KIN: variants seen among roughly 807,000 people sequenced by gnomAD.
KIN encodes the protein DNA/RNA-binding protein KIN17.
Under a neutral mutation model 63.0 loss-of-function variants are expected in KIN, and 47 were observed. The observed-to-expected ratio is 0.75, with a 90% confidence interval of 0.59 to 0.95. The LOEUF (loss-of-function observed/expected upper bound fraction) is 0.95, where lower values mean the gene tolerates loss of function less well. Ranked by LOEUF, KIN falls within the 40% of genes least tolerant of loss-of-function variation. KIN has a pLI of 0.00. For missense variants in KIN, 408 were observed against 460.9 expected (o/e 0.89, Z 1.05); for synonymous variants, 160 against 157.7 (o/e 1.01, Z -0.11).
At position 7,762,585 on chromosome 10, in the gene KIN, T is replaced by C. The variant is rs1166353437; in HGVS notation, c.919-29A>G. On this transcript the variant is annotated intron_variant, in intron 10 of 12. Transcript: ENST00000379562. The stretch of plus-strand genomic sequence containing the variant: ...TCATGTAAAATGAACACTTTTATAA[T>C]AGAAGAAATATGTGCACACTCATTT... 22 of 1,270,312 alleles carry C rather than the reference T, an allele frequency of 1.7e-5. 1 individual carries two copies. Among genetic ancestry groups the C allele is most frequent in the Non-Finnish European group, 2.4e-5 (21 of 878,532 alleles). The allele number at this position is 1,270,312 out of a possible 1,614,324, so 78.7% of individuals were successfully genotyped here.
intron 2 of KIN, among the ~76,000 whole-genome samples, chr10:7,781,211 T>C (rs1274568231): frequency 6.6e-6 from 1 of 152,102 alleles, no homozygotes; most frequent in Non-Finnish European, 1.5e-5. Flanking sequence ...AGTAGAACCC[T>C]AGAGGTGAAC....
intron 5 of KIN, among the ~76,000 whole-genome samples, chr10:7,777,121 T>C (rs988090304): frequency 3.6e-4 from 55 of 151,984 alleles, no homozygotes; most frequent in African/African-American, 1.2e-3. Context: ...TGAGAATTAT[T>C]CTAAATACCA....
chr10:7,768,380 T>A (rs1016907331), intron 8 of KIN, among the ~76,000 whole-genome samples: 3 of 151,836 alleles, frequency 2.0e-5, no homozygotes, highest in Non-Finnish European at 4.4e-5. Context: ...ACTAGCTGGG[T>A]ATGGTGGCAC....
intron 7 of KIN, among the ~76,000 whole-genome samples, chr10:7,772,234 A>G (rs1484984211): frequency 6.6e-6 from 1 of 152,208 alleles, no homozygotes; most frequent in Non-Finnish European, 1.5e-5. Context: ...ACACGGTAAG[A>G]GCTGAAGTTT....
chr10:7,756,005 A>C lies in KIN; in HGVS notation c.*75T>G. The C allele has an allele frequency of 1.2e-6, 1 of 807,386 alleles. No individual in the cohort carries two copies. The highest frequency in any genetic ancestry group is 2.1e-6 in the Non-Finnish European group (1 of 479,830). The allele number at this position is 807,386 out of a possible 1,614,324, so 50.0% of individuals were successfully genotyped here. A position where few individuals can be genotyped will look rare whatever the true frequency, so the allele number is the denominator to read the frequency against. ...ACAAAAGAATATACCCTAACACAGT[A>C]GAGTCTCATAATGCCTTGGCGAACA... On this transcript the variant is annotated 3_prime_UTR_variant, in exon 13 of 13. Coordinates refer to ENST00000379562, the MANE Select transcript of KIN (RefSeq NM_012311.4).
At chr10:7,767,403 G>T (rs1835569432) in intron 8 of KIN, among the ~76,000 whole-genome samples, 1 of 152,190 alleles carries the variant, frequency 6.6e-6, no homozygotes, top group Non-Finnish European at 1.5e-5. Flanking sequence ...TGAAAGCTCC[G>T]TGACTAACAA....
At position 7,786,311 on chromosome 10, in the gene KIN, T is replaced by C. The variant is rs554248073; in HGVS notation, c.114+1509A>G. On this transcript the variant is annotated intron_variant, in intron 1 of 12. Coordinates refer to ENST00000379562, the MANE Select transcript of KIN (RefSeq NM_012311.4). Reference sequence around the variant, plus strand: ...GTTGATGACATATACTATGGTTATATAGAAAAGTATCCTGAAATTTTAGAG... The same window carrying C: ...GTTGATGACATATACTATGGTTATACAGAAAAGTATCCTGAAATTTTAGAG... Among the ~76,000 whole-genome samples, 9 of 152,368 alleles carry C rather than the reference T, an allele frequency of 5.9e-5. No individual in the cohort carries two copies. The East Asian group carries it at 1.5e-3, about 26-fold the overall frequency.
intron 7 of KIN, 75 bp downstream of exon 7, chr10:7,774,756 A>G: frequency 3.5e-6 from 4 of 1,158,260 alleles, no homozygotes; most frequent in East Asian, 2.4e-5. Flanking sequence ...ATGATTCACA[A>G]TACTTTAAAA....
At chr10:7,772,004 T>A (rs1475045090) in intron 7 of KIN, among the ~76,000 whole-genome samples, 1 of 151,746 alleles carries the variant, frequency 6.6e-6, no homozygotes, top group Non-Finnish European at 1.5e-5. Context: ...CCCAGCAAGA[T>A]CTCAGGGTGA....
chr10:7,765,995 T>C (rs527306936), intron 9 of KIN, 58 bp downstream of exon 9: 27 of 1,246,632 alleles, frequency 2.2e-5, no homozygotes, highest in Middle Eastern at 1.9e-4. Context: ...CAAATGCTAG[T>C]TAAATCATTC....
Position 7,784,580 on chromosome 10 carries a change from T to C in KIN, c.115-1405A>G, listed in dbSNP as rs186999116. ...TCCAGTCTGGGCAAGAGTAAGACCC[T>C]GTCTCAAAAACAAAAAAAAATAAGT... On this transcript the variant is annotated intron_variant, in intron 1 of 12. Transcript: ENST00000379562. Among the ~76,000 whole-genome samples, 176 of 152,158 alleles carry C rather than the reference T, an allele frequency of 1.2e-3. 1 individual carries two copies. Among genetic ancestry groups the C allele is most frequent in the East Asian group, 6.9e-3 (36 of 5,180 alleles).
chr10:7,779,254 A>T (rs1444998604), intron 4 of KIN, among the ~76,000 whole-genome samples: 1 of 152,050 alleles, frequency 6.6e-6, no homozygotes, highest in African/African-American at 2.4e-5. Context: ...TAAAAATACA[A>T]AAATTAGCTG....
rs1204118280 is a variant in KIN, at chr10:7,750,981, CTT to C, written c.*5097_*5098del. On this transcript the variant is annotated 3_prime_UTR_variant, in exon 13 of 13. Coordinates refer to ENST00000379562, the MANE Select transcript of KIN (RefSeq NM_012311.4). ...TACCACTTACATGCTAAATCTTAGA[CTT>C]TATTTCAAAATAAAGTAGTAAATTA... 1.3e-5 allele frequency: 2 copies of C among 152,100 alleles called. No homozygotes were observed. The highest frequency in any genetic ancestry group is 4.8e-5 in the African/African-American group (2 of 41,390). The allele number at this position is 152,100 out of a possible 1,614,324, so 9.4% of individuals were successfully genotyped here. A position where few individuals can be genotyped will look rare whatever the true frequency, so the allele number is the denominator to read the frequency against.
chr10:7,757,536 A>T (rs11255342), intron 12 of KIN, among the ~76,000 whole-genome samples: 48,350 of 150,620 alleles, frequency 0.32, 8,157 homozygotes, highest in East Asian at 0.46. Context: ...TAAATTAAAT[A>T]AAATTAAAAT....
chr10:7,770,343 A>C (rs1240113366), intron 7 of KIN, among the ~76,000 whole-genome samples: 1 of 152,218 alleles, frequency 6.6e-6, no homozygotes, highest in East Asian at 1.9e-4. Context: ...CACTAAGAAC[A>C]ATTTGCTATT....
chr10:7,774,609 C>T (rs536415508), intron 7 of KIN, among the ~76,000 whole-genome samples: 2 of 151,796 alleles, frequency 1.3e-5, no homozygotes, highest in South Asian at 4.2e-4. Context: ...GGAAGATCAC[C>T]TTGAGCCCAG....
chr10:7,774,685 G>T, intron 7 of KIN, 146 bp downstream of exon 7: 1 of 654,506 alleles, frequency 1.5e-6, no homozygotes, highest in Non-Finnish European at 2.6e-6. Context: ...AAGAACAATT[G>T]CTAAAAAAAC....
rs1175182483 is a variant in KIN at position 7,779,011 on chromosome 10, T to C, written c.385A>G (p.Lys129Glu). The part of the protein sequence containing the change: ...TKWLGREGLC[K>E]VDETPKGWYI... ...CAGCCTTTTGGTGTCTCGTCCACTT[T>C]GCACAAGCCTTAAAAAAACAGCCAC... The change falls in exon 5 of 13, where the codon AAA becomes GAA. Residue 129 changes from lysine to glutamate, a missense_variant. Transcript: ENST00000379562. 1.2e-6 allele frequency: 2 copies of C among 1,603,470 alleles called. No individual in the cohort carries two copies. The highest frequency in any genetic ancestry group is 2.2e-5 in the East Asian group (1 of 44,834).
At position 7,753,656 on chromosome 10, in the gene KIN, T is replaced by C. The variant is rs978739184; in HGVS notation, c.*2424A>G. The stretch of plus-strand genomic sequence containing the variant: ...TAAAAACATTGCAATTCAAGAACAT[T>C]AACATTCTAATATTACAAAGCCAAT... On this transcript the variant is annotated 3_prime_UTR_variant, in exon 13 of 13. Transcript: ENST00000379562. The C allele has an allele frequency of 6.4e-6, 1 of 156,342 alleles. No individual in the cohort carries two copies. The highest frequency in any genetic ancestry group is 1.4e-5 in the Non-Finnish European group (1 of 70,852). The allele number at this position is 156,342 out of a possible 1,614,324, so 9.7% of individuals were successfully genotyped here. A position where few individuals can be genotyped will look rare whatever the true frequency, so the allele number is the denominator to read the frequency against.
Sources: gnomAD v4.1 joint callset for allele counts (sites outside exome capture counted in the v4.1 genomes callset) on GRCh38, gnomAD v4.1.1 for gene constraint, MANE v1.5 for transcripts, NCBI Gene and HGNC (gene_info 2026-07-23, HGNC 2026-07-21) for gene names.